CADM1: variants seen among roughly 807,000 people sequenced by gnomAD.
CADM1 encodes the protein TSLC-1.
CADM1 carries 15 observed loss-of-function variants against 53.1 expected under a neutral mutation model. The observed-to-expected ratio is 0.28, with a 90% CI of 0.19 to 0.44. The LOEUF is 0.44. Ranked by LOEUF, CADM1 falls within the 20% of genes least tolerant of loss-of-function variation. The pLI, the probability that CADM1 is intolerant of heterozygous loss-of-function variation, is 1.00. For synonymous variants in CADM1, 281 were observed against 243.0 expected (o/e 1.16, Z -1.45); for missense variants, 434 against 611.3 (o/e 0.71, Z 3.06).
intron 1 of CADM1, among the ~76,000 whole-genome samples, chr11:115,264,920 C>T (rs2135027917): frequency 6.6e-6 from 1 of 152,222 alleles, no homozygotes; most frequent in Non-Finnish European, 1.5e-5. Context: ...CTGCCTGACC[C>T]CATTTACTAA....
chr11:115,265,382 G>A (rs1289660722), intron 1 of CADM1, among the ~76,000 whole-genome samples: 1 of 152,110 alleles, frequency 6.6e-6, no homozygotes, highest in Non-Finnish European at 1.5e-5. Context: ...TCTGGCTTCT[G>A]GTCTATAAGA....
At chr11:115,439,118 T>A (rs986495255) in intron 1 of CADM1, among the ~76,000 whole-genome samples, 1 of 152,172 alleles carries the variant, frequency 6.6e-6, no homozygotes. Context: ...AAACATGCGA[T>A]CTGAGCCCCC....
At chr11:115,284,511 T>TA (rs1296617363) in intron 1 of CADM1, among the ~76,000 whole-genome samples, 5,318 of 137,814 alleles carry the variant, frequency 0.039, 223 homozygotes, top group African/African-American at 0.11. Flanking sequence ...AAGGTTTGTC[T>TA]AAAAAAAAAA....
intron 1 of CADM1, among the ~76,000 whole-genome samples, chr11:115,288,057 G>C (rs957375972): frequency 6.6e-6 from 1 of 152,188 alleles, no homozygotes; most frequent in Non-Finnish European, 1.5e-5. Context: ...GACATTCTGT[G>C]TGAAGAAATT....
At chr11:115,356,405 G>A (rs939562490) in intron 1 of CADM1, among the ~76,000 whole-genome samples, 3 of 151,918 alleles carry the variant, frequency 2.0e-5, no homozygotes, top group Non-Finnish European at 2.9e-5. Context: ...AGGAGGAAAC[G>A]ACAAGTACCC....
intron 9 of CADM1, 110 bp from the exon 10 acceptor site, chr11:115,191,051 A>G (rs1213371335): frequency 9.1e-6 from 8 of 875,740 alleles, no homozygotes; most frequent in African/African-American, 8.3e-5. Context: ...ATCTCTTGCT[A>G]TCTATGTTTT....
At chr11:115,502,590 G>A (rs1031540649) in intron 1 of CADM1, among the ~76,000 whole-genome samples, 1 of 151,736 alleles carries the variant, frequency 6.6e-6, no homozygotes, top group African/African-American at 2.4e-5. Context: ...AATTCACAGA[G>A]GAAAAACACA....
At chr11:115,357,930 A>G (rs1448585782) in intron 1 of CADM1, among the ~76,000 whole-genome samples, 1 of 152,260 alleles carries the variant, frequency 6.6e-6, no homozygotes, top group Non-Finnish European at 1.5e-5. Flanking sequence ...TACAACAGAC[A>G]GACACTAGAT....
At chr11:115,471,940 G>A (rs1274020936) in intron 1 of CADM1, among the ~76,000 whole-genome samples, 2 of 152,114 alleles carry the variant, frequency 1.3e-5, no homozygotes, top group Admixed American at 6.5e-5. Flanking sequence ...AAAGGTGAAC[G>A]TAAATCAAGG....
chr11:115,475,427 C>T (rs940705369), intron 1 of CADM1, among the ~76,000 whole-genome samples: 8 of 152,060 alleles, frequency 5.3e-5, no homozygotes, highest in Admixed American at 4.6e-4. Context: ...AGGCATTTAG[C>T]CAATAGAAAT....
At chr11:115,197,363 T>C (rs533755930) in intron 9 of CADM1, among the ~76,000 whole-genome samples, 2 of 152,334 alleles carry the variant, frequency 1.3e-5, no homozygotes, top group Admixed American at 1.3e-4. Flanking sequence ...TTCCACCCTG[T>C]ACAACAACAG....
chr11:115,470,983 C>T (rs1274098720), intron 1 of CADM1, among the ~76,000 whole-genome samples: 1 of 152,154 alleles, frequency 6.6e-6, no homozygotes. Context: ...AGAGGTGCCC[C>T]AGACTTTTTA....
At chr11:115,340,759 C>G (rs1227917987) in intron 1 of CADM1, among the ~76,000 whole-genome samples, 1 of 145,752 alleles carries the variant, frequency 6.9e-6, no homozygotes, top group African/African-American at 2.6e-5. Flanking sequence ...CTCCCGGGTT[C>G]AAGACATTCT....
At chr11:115,289,669 C>T (rs1473755482) in intron 1 of CADM1, among the ~76,000 whole-genome samples, 1 of 147,720 alleles carries the variant, frequency 6.8e-6, no homozygotes, top group Non-Finnish European at 1.5e-5. Flanking sequence ...GATCTCCGCT[C>T]ACTGCAAGCT....
chr11:115,328,369 C>A (rs918129905), intron 1 of CADM1, among the ~76,000 whole-genome samples: 1 of 151,844 alleles, frequency 6.6e-6, no homozygotes, highest in Non-Finnish European at 1.5e-5. Context: ...ATTTAATGGG[C>A]GAGAAACAGT....
At chr11:115,371,703 A>C (rs535178654) in intron 1 of CADM1, among the ~76,000 whole-genome samples, 1 of 144,974 alleles carries the variant, frequency 6.9e-6, no homozygotes, top group East Asian at 2.0e-4. Context: ...CAATGGTGCG[A>C]TCTGGGCTCA....
intron 1 of CADM1, among the ~76,000 whole-genome samples, chr11:115,485,486 C>T (rs558025916): frequency 1.1e-3 from 171 of 152,314 alleles, no homozygotes; most frequent in Non-Finnish European, 2.1e-3. Context: ...ATTGTAGCTC[C>T]TGTAATTCCC....
At chr11:115,317,649 C>A (rs1363524216) in intron 1 of CADM1, among the ~76,000 whole-genome samples, 1 of 152,196 alleles carries the variant, frequency 6.6e-6, no homozygotes, top group Non-Finnish European at 1.5e-5. Flanking sequence ...CATCCTGTAA[C>A]CATGACAGCT....
intron 1 of CADM1, among the ~76,000 whole-genome samples, chr11:115,390,741 G>A (rs975832703): frequency 2.0e-5 from 3 of 151,526 alleles, no homozygotes; most frequent in Admixed American, 6.6e-5. Context: ...AACAAAAGAG[G>A]AAGTTTCTAG....
Sources: gnomAD v4.1 joint callset for allele counts (sites outside exome capture counted in the v4.1 genomes callset) on GRCh38, gnomAD v4.1.1 for gene constraint, MANE v1.5 for transcripts, NCBI Gene and HGNC (gene_info 2026-07-23, HGNC 2026-07-21) for gene names.